The following ERG variants were observed in gnomAD, a reference collection of about 807,000 sequenced individuals.
ERG encodes ETS transcription factor ERG.
Under a neutral mutation model 55.3 loss-of-function variants are expected in ERG, and 9 were observed. That is an observed-to-expected ratio of 0.16 (90% confidence interval 0.10 to 0.28). The LOEUF is 0.28. Ranked by LOEUF, ERG falls within the 10% of genes least tolerant of loss-of-function variation. The pLI is 1.00. For synonymous variants in ERG, 223 were observed against 237.3 expected (o/e 0.94, Z 0.55); for missense variants, 434 against 631.6 (o/e 0.69, Z 3.35).
At chr21:38,396,509 A>C (rs956884140) in intron 6 of ERG, among the ~76,000 whole-genome samples, 10 of 152,244 alleles carry the variant, frequency 6.6e-5, no homozygotes, top group African/African-American at 2.4e-4. Flanking sequence ...ACCCCTGAAG[A>C]GCAGCAGCTT....
intron 2 of ERG, among the ~76,000 whole-genome samples, chr21:38,571,609 A>T (rs1429689277): frequency 6.6e-6 from 1 of 152,244 alleles, no homozygotes; most frequent in African/African-American, 2.4e-5. Flanking sequence ...GCTTCAAGAC[A>T]GTCACTATTA....
chr21:38,579,820 T>C (rs113292395), intron 1 of ERG, among the ~76,000 whole-genome samples: 5,719 of 127,364 alleles, frequency 0.045, 346 homozygotes, highest in African/African-American at 0.14. Context: ...CACGGATCTC[T>C]GACTCTTTTT....
At chr21:38,599,446 T>C (rs1162833137) in intron 1 of ERG, among the ~76,000 whole-genome samples, 3 of 152,214 alleles carry the variant, frequency 2.0e-5, no homozygotes, top group African/African-American at 7.2e-5. Context: ...TTTAGACCTT[T>C]GCTTCACAGA....
At chr21:38,419,579 C>T (rs1989444168) in intron 3 of ERG, among the ~76,000 whole-genome samples, 1 of 152,134 alleles carries the variant, frequency 6.6e-6, no homozygotes, top group African/African-American at 2.4e-5. Flanking sequence ...TCAATTTTTA[C>T]TTTAGTCCAT....
chr21:38,537,786 T>A (rs2043922609), intron 2 of ERG, among the ~76,000 whole-genome samples: 1 of 152,156 alleles, frequency 6.6e-6, no homozygotes, highest in African/African-American at 2.4e-5. Flanking sequence ...AAAAATAGAA[T>A]TAACATATGA....
chr21:38,415,030 G>T (rs1989216812), intron 3 of ERG, among the ~76,000 whole-genome samples: 2 of 152,144 alleles, frequency 1.3e-5, no homozygotes, highest in Non-Finnish European at 2.9e-5. Flanking sequence ...ATTTGAAAAG[G>T]CTGTTGCAGA....
intron 9 of ERG, among the ~76,000 whole-genome samples, chr21:38,390,318 G>T (rs565401045): frequency 2.5e-4 from 38 of 152,330 alleles, no homozygotes; most frequent in African/African-American, 8.9e-4. Context: ...TCTTGTGGTT[G>T]TATCAAGGCT....
intron 1 of ERG, among the ~76,000 whole-genome samples, chr21:38,589,919 C>T (rs1035839832): frequency 9.2e-5 from 14 of 152,186 alleles, no homozygotes; most frequent in Admixed American, 9.2e-4. Context: ...GTATCCCATA[C>T]ACTCTAGTAG....
upstream of ERG, among the ~76,000 whole-genome samples, chr21:38,585,532 C>CCTTTTTTTTTT (rs2060057615): frequency 1.7e-5 from 1 of 59,270 alleles, no homozygotes; most frequent in Non-Finnish European, 3.1e-5. Flanking sequence ...TCTCTCTCTT[C>CCTTTTTTTTTT]TTTTTTTTTT....
chr21:38,561,664 T>G (rs1034650761), intron 2 of ERG, among the ~76,000 whole-genome samples: 3 of 152,220 alleles, frequency 2.0e-5, no homozygotes, highest in Admixed American at 2.0e-4. Flanking sequence ...TAAAGTTAGA[T>G]ATTTTGTCAG....
intron 2 of ERG, among the ~76,000 whole-genome samples, chr21:38,429,420 A>C (rs58665757): frequency 2.6e-5 from 2 of 77,208 alleles, no homozygotes; most frequent in African/African-American, 9.2e-5. Context: ...CGCACATATA[A>C]ACATGTGTGT....
chr21:38,402,679 A>AAAG (rs1988553717), intron 4 of ERG, 42 bp from the exon 5 acceptor site: 10 of 1,173,082 alleles, frequency 8.5e-6, no homozygotes, highest in African/African-American at 1.5e-5. Flanking sequence ...TGAAAAAAAA[A>AAAG]AGAGAGAGAG....
intron 9 of ERG, among the ~76,000 whole-genome samples, chr21:38,388,268 T>C (rs1213632044): frequency 6.6e-6 from 1 of 152,228 alleles, no homozygotes; most frequent in African/African-American, 2.4e-5. Flanking sequence ...AGGAGCTGTG[T>C]TGCTTATAAC....
intron 1 of ERG, among the ~76,000 whole-genome samples, chr21:38,648,998 A>C (rs1236737915): frequency 6.6e-6 from 1 of 152,182 alleles, no homozygotes; most frequent in Non-Finnish European, 1.5e-5. Flanking sequence ...AGATGCCTTC[A>C]TGAGCTGACT....
At chr21:38,386,280 G>T (rs1601317548) in intron 9 of ERG, among the ~76,000 whole-genome samples, 2 of 152,198 alleles carry the variant, frequency 1.3e-5, no homozygotes, top group African/African-American at 4.8e-5. Context: ...TAAGAGAACT[G>T]TAAGCAAAAT....
intron 3 of ERG, among the ~76,000 whole-genome samples, chr21:38,405,996 CA>C (rs1266872509): frequency 6.7e-6 from 1 of 150,290 alleles, no homozygotes; most frequent in Non-Finnish European, 1.5e-5. Context: ...ACTAAAAATA[CA>C]AAAAAAAATT....
At chr21:38,517,003 T>C (rs2059557082) in intron 2 of ERG, among the ~76,000 whole-genome samples, 1 of 152,012 alleles carries the variant, frequency 6.6e-6, no homozygotes, top group African/African-American at 2.4e-5. Context: ...GACCCCAAAT[T>C]ATAAAACTAT....
intron 1 of ERG, among the ~76,000 whole-genome samples, chr21:38,629,532 A>G (rs906786321): frequency 2.6e-5 from 4 of 152,244 alleles, no homozygotes; most frequent in Non-Finnish European, 4.4e-5. Flanking sequence ...CAATGAGCAC[A>G]TAGAAAAATA....
chr21:38,464,146 A>G (rs2059068097), intron 1 of ERG, among the ~76,000 whole-genome samples: 1 of 152,196 alleles, frequency 6.6e-6, no homozygotes, highest in African/African-American at 2.4e-5. Flanking sequence ...AATATTAAAC[A>G]ACTATTTGTT....
Sources: gnomAD v4.1 joint callset for allele counts (sites outside exome capture counted in the v4.1 genomes callset) on GRCh38, gnomAD v4.1.1 for gene constraint, MANE v1.5 for transcripts, NCBI Gene and HGNC (gene_info 2026-07-23, HGNC 2026-07-21) for gene names.